SAR1A: variants seen among roughly 807,000 people sequenced by gnomAD.
The protein encoded by SAR1A is small COPII coat GTPase SAR1A.
Under a neutral mutation model 22.6 loss-of-function variants are expected in SAR1A, and 6 were observed. The ratio of observed to expected loss-of-function variants is 0.27; its 90% CI spans 0.15 to 0.52. The LOEUF is 0.52. SAR1A is among the 20% of genes least tolerant of loss of function. The pLI, the probability that SAR1A is intolerant of heterozygous loss-of-function variation, is 0.96. For missense variants in SAR1A, 145 were observed against 245.1 expected (o/e 0.59, Z 2.73); for synonymous variants, 70 against 82.2 (o/e 0.85, Z 0.80).
In SAR1A at chr10:70,158,757, C is replaced by CA. The variant is rs58884949; in HGVS notation, c.245-891dup. ...TATAAGTTAAAATTTTTAAGTTATACAAAAAAAAAAAAAGGAAACCTCCAG... is the reference window on the plus strand; with the variant it reads ...TATAAGTTAAAATTTTTAAGTTATACAAAAAAAAAAAAAAGGAAACCTCCAG... On this transcript the variant is annotated intron_variant, in intron 4 of 6. Transcript: ENST00000373241. 7.5e-4 allele frequency among the ~76,000 whole-genome samples: 94 copies of CA among 125,760 alleles called. 1 individual carries two copies. The highest frequency in any genetic ancestry group is 2.0e-3 in the Admixed American group (25 of 12,220). The allele number at this position is 125,760 out of a possible 152,430, so 82.5% of individuals were successfully genotyped here. A position where few individuals can be genotyped will look rare whatever the true frequency, so the allele number is the denominator to read the frequency against.
chr10:70,151,307 AC>A lies in SAR1A; in HGVS notation c.*1168del, dbSNP rs1839324832. 6.7e-6 allele frequency: 1 copy of A among 149,118 alleles called. No homozygotes were observed. Among genetic ancestry groups the A allele is most frequent in the Non-Finnish European group, 1.5e-5 (1 of 67,458 alleles). 9.2% of individuals were successfully genotyped at this position (149,118 alleles called of 1,614,324 possible). A position where few individuals can be genotyped will look rare whatever the true frequency, so the allele number is the denominator to read the frequency against. On this transcript the variant is annotated 3_prime_UTR_variant, in exon 7 of 7. Transcript: ENST00000373241. The stretch of plus-strand genomic sequence containing the variant: ...AAACCTGGAAAAGCTACAGATGTTA[AC>A]CTTTACTTTAAACACCAATAAAATA...
In SAR1A at chr10:70,153,875, C is replaced by T; in HGVS notation, c.443G>A (p.Arg148His). The T allele has an allele frequency of 6.2e-7, 1 of 1,606,422 alleles. No individual in the cohort carries two copies. The highest frequency in any genetic ancestry group is 2.2e-5 in the East Asian group (1 of 44,512). Residue 148 changes from arginine to histidine, a missense_variant, in exon 6 of 7, where the codon CGT becomes CAT. Transcript: ENST00000373241. ...RTDAISEEKL[R>H]EIFGLYGQTT... ...CTGTCCATAAAGCCCAAATATCTCA[C>T]GGAGTTTTTCTTCACTGATTGCATC...
At chr10:70,159,522 C>A (rs1839437765) in intron 4 of SAR1A, among the ~76,000 whole-genome samples, 1 of 152,102 alleles carries the variant, frequency 6.6e-6, no homozygotes, top group Non-Finnish European at 1.5e-5. Flanking sequence ...GGCGGAAACC[C>A]AGTCTCTACA....
At chr10:70,160,137 T>C (rs1407624875) in intron 4 of SAR1A, among the ~76,000 whole-genome samples, 2 of 151,826 alleles carry the variant, frequency 1.3e-5, no homozygotes, top group Admixed American at 6.6e-5. Context: ...ACTAGATATA[T>C]GATACCGTAT....
chr10:70,162,245 CAGA>C (rs1319275600), intron 1 of SAR1A, among the ~76,000 whole-genome samples: 1 of 151,060 alleles, frequency 6.6e-6, no homozygotes, highest in Non-Finnish European at 1.5e-5. Context: ...GAGGGTGAGA[CAGA>C]AGAATTACTT....
At chr10:70,155,802 G>C (rs1839380729) in intron 5 of SAR1A, among the ~76,000 whole-genome samples, 1 of 152,156 alleles carries the variant, frequency 6.6e-6, no homozygotes, top group Non-Finnish European at 1.5e-5. Context: ...AGCTACTTGT[G>C]CATATTCAAG....
At chr10:70,163,077 G>C (rs1009719024) in intron 1 of SAR1A, 1 of 152,160 alleles carries the variant, frequency 6.6e-6, no homozygotes, top group African/African-American at 2.4e-5. Context: ...GCTTAGTGAC[G>C]AAGACACATC....
At chr10:70,157,490 A>G (rs1182510544) in intron 5 of SAR1A, among the ~76,000 whole-genome samples, 4 of 152,272 alleles carry the variant, frequency 2.6e-5, no homozygotes, top group Middle Eastern at 6.8e-3. Flanking sequence ...GACAACAGGC[A>G]TAAATGAGGA....
chr10:70,151,122 G>A lies in SAR1A; in HGVS notation c.*1354C>T, dbSNP rs1338699867. On this transcript the variant is annotated 3_prime_UTR_variant, in exon 7 of 7. Coordinates refer to ENST00000373241, the MANE Select transcript of SAR1A (RefSeq NM_020150.5). Reference sequence around the variant, plus strand: ...TATAAAATTAATCCCCATCACCCAAGTAGGGATGCCGGTGCTTTTATACTG... The same window carrying A: ...TATAAAATTAATCCCCATCACCCAAATAGGGATGCCGGTGCTTTTATACTG... 6 of 152,050 alleles carry A rather than the reference G, an allele frequency of 3.9e-5. 1 individual carries two copies. The highest frequency in any genetic ancestry group is 1.3e-4 in the Admixed American group (2 of 15,264). The allele number at this position is 152,050 out of a possible 1,614,324, so 9.4% of individuals were successfully genotyped here.
intron 1 of SAR1A, among the ~76,000 whole-genome samples, chr10:70,168,266 T>C (rs915291851): frequency 2.0e-5 from 3 of 152,212 alleles, no homozygotes; most frequent in African/African-American, 7.2e-5. Flanking sequence ...TGAAAAACTA[T>C]TTAAAGTGTG....
At chr10:70,157,667 A>G in intron 5 of SAR1A, 97 bp downstream of exon 5, 1 of 769,428 alleles carries the variant, frequency 1.3e-6, no homozygotes, top group South Asian at 1.8e-5. Flanking sequence ...TGGAATGACT[A>G]ATTATTGGCA....
intron 1 of SAR1A, among the ~76,000 whole-genome samples, chr10:70,169,367 T>G (rs1839594929): frequency 6.6e-6 from 1 of 152,250 alleles, no homozygotes; most frequent in Non-Finnish European, 1.5e-5. Flanking sequence ...TTGAATGGTA[T>G]TTTAATAACT....
At chr10:70,166,036 T>C (rs138212143) in intron 1 of SAR1A, among the ~76,000 whole-genome samples, 54 of 152,382 alleles carry the variant, frequency 3.5e-4, no homozygotes, top group African/African-American at 1.2e-3. Flanking sequence ...AAGGCTCCGA[T>C]GCTTGTTAGC....
intron 4 of SAR1A, among the ~76,000 whole-genome samples, chr10:70,158,742 A>T (rs1839427215): frequency 7.2e-6 from 1 of 139,258 alleles, no homozygotes; most frequent in Non-Finnish European, 1.5e-5. Context: ...TATAAGTTAA[A>T]ATTTTTAAGT....
At chr10:70,160,899 TG>T (rs1839460035) in intron 4 of SAR1A, 104 bp downstream of exon 4, 1 of 685,028 alleles carries the variant, frequency 1.5e-6, no homozygotes, top group Non-Finnish European at 2.5e-6. Context: ...AATTCTAAAA[TG>T]TAAGTAATTT....
In SAR1A at chr10:70,161,029, A is replaced by T. The variant is rs200381204; in HGVS notation, c.219T>A (p.Thr73=). 1 of 1,613,098 alleles carries T rather than the reference A, an allele frequency of 6.2e-7. No homozygotes were observed. Among genetic ancestry groups the T allele is most frequent in the African/African-American group, 1.3e-5 (1 of 74,890 alleles). ...CTTGCTCGTGCCCACCAAGATCAAA[A>T]GTTGTAAAGGTCATTCCAGCAATTG... The part of the protein sequence containing the change: ...ELTIAGMTFT[T]FDLGGHEQAR... The change falls in exon 4 of 7, where the codon ACT becomes ACA. Residue 73 remains threonine (T), a synonymous_variant. Coordinates refer to ENST00000373241, the MANE Select transcript of SAR1A (RefSeq NM_020150.5).
At chr10:70,168,518 G>A (rs2136725335) in intron 1 of SAR1A, among the ~76,000 whole-genome samples, 1 of 152,230 alleles carries the variant, frequency 6.6e-6, no homozygotes, top group Non-Finnish European at 1.5e-5. Flanking sequence ...CTTGAACCCG[G>A]GAGGCAGAGG....
intron 4 of SAR1A, 62 bp downstream of exon 4, chr10:70,160,942 G>T: frequency 9.3e-7 from 1 of 1,078,538 alleles, no homozygotes; most frequent in Non-Finnish European, 1.3e-6. Context: ...GCTTTTAAAA[G>T]GAGCTGGGAG....
At chr10:70,156,206 T>C (rs1564569466) in intron 5 of SAR1A, among the ~76,000 whole-genome samples, 1 of 152,120 alleles carries the variant, frequency 6.6e-6, no homozygotes, top group Non-Finnish European at 1.5e-5. Flanking sequence ...GTCACTGACA[T>C]GTAGGTGCCA....
Sources: gnomAD v4.1 joint callset for allele counts (sites outside exome capture counted in the v4.1 genomes callset) on GRCh38, gnomAD v4.1.1 for gene constraint, MANE v1.5 for transcripts, NCBI Gene and HGNC (gene_info 2026-07-23, HGNC 2026-07-21) for gene names.